NLRP7: variants seen among roughly 807,000 people sequenced by gnomAD.
NLRP7 encodes the protein NLR family pyrin domain containing 7.
A neutral mutation model predicts 85.5 loss-of-function variants in NLRP7; 72 were observed. The observed-to-expected ratio is 0.84, with a 90% confidence interval of 0.70 to 1.02. The LOEUF (loss-of-function observed/expected upper bound fraction) is 1.02. Among genes scored for constraint, NLRP7 ranks in the 50% least tolerant of loss-of-function variants. The pLI is 0.00. For missense variants in NLRP7, 1,243 were observed against 1,219.5 expected (o/e 1.02, Z -0.29); for synonymous variants, 550 against 505.2 (o/e 1.09, Z -1.19).
At chr19:54,926,998 GAA>G (rs1569538965) in intron 9 of NLRP7, among the ~76,000 whole-genome samples, 1 of 151,594 alleles carries the variant, frequency 6.6e-6, no homozygotes, top group Non-Finnish European at 1.5e-5. Context: ...GTTGAGGCAG[GAA>G]AATCGCTTCA....
intron 1 of NLRP7, among the ~76,000 whole-genome samples, chr19:54,946,336 C>G (rs1463816852): frequency 1.3e-5 from 2 of 151,324 alleles, no homozygotes; most frequent in Non-Finnish European, 1.5e-5. Context: ...CTCAGCCTCC[C>G]GAGTAGCTGG....
chr19:54,936,533 A>C (rs937189620), intron 5 of NLRP7, 102 bp from the exon 6 acceptor site: 6 of 1,074,914 alleles, frequency 5.6e-6, no homozygotes. Context: ...AATTATTAGA[A>C]GTTCTTGGCC....
At chr19:54,947,540 G>A, upstream of NLRP7, 2 of 1,289,580 alleles carry the variant, frequency 1.6e-6, no homozygotes, top group South Asian at 1.2e-5. Flanking sequence ...GGAGGTCTCT[G>A]GCCCTTGGTA....
intron 1 of NLRP7, among the ~76,000 whole-genome samples, chr19:54,959,284 G>A (rs375259464): frequency 2.1e-4 from 32 of 150,208 alleles, no homozygotes; most frequent in Middle Eastern, 3.4e-3. Flanking sequence ...GATTACAGGC[G>A]CACGCCACCA....
chr19:54,955,324 C>T (rs979106496), intron 1 of NLRP7, among the ~76,000 whole-genome samples: 3 of 151,666 alleles, frequency 2.0e-5, no homozygotes, highest in East Asian at 2.0e-4. Context: ...AGTGAAACTC[C>T]GTCTCAAAAA....
At chr19:54,946,703 G>A (rs928560347) in intron 1 of NLRP7, among the ~76,000 whole-genome samples, 32 of 151,260 alleles carry the variant, frequency 2.1e-4, no homozygotes, top group African/African-American at 5.3e-4. Flanking sequence ...GCAGTGGCGC[G>A]ATCTCAGCTC....
At chr19:54,936,913 T>A (rs1378370930) in intron 5 of NLRP7, among the ~76,000 whole-genome samples, 1 of 127,344 alleles carries the variant, frequency 7.9e-6, no homozygotes, top group Non-Finnish European at 1.7e-5. Context: ...AGACTCCATC[T>A]CAAAAGAAAA....
chr19:54,951,298 G>T (rs746065429), upstream of NLRP7, among the ~76,000 whole-genome samples: 1 of 152,020 alleles, frequency 6.6e-6, no homozygotes, highest in Non-Finnish European at 1.5e-5. Context: ...TGTAATCCCA[G>T]CACTTTGGGA....
rs1490792863 is a variant in NLRP7, at chr19:54,934,753, A to G, written c.2301-94T>C. ...GAGACAGAGTTTCACTCTGTTGCCC[A>G]GTCTGGAATGCAAAGGCGTGATCTC... On this transcript the variant is annotated intron_variant, in intron 6 of 9. Transcript: ENST00000340844. The surrounding 1 kb of genome is among the most constrained non-coding windows in gnomAD (Gnocchi z 6.7). 1.0e-5 allele frequency: 11 copies of G among 1,064,734 alleles called. No individual in the cohort carries two copies. Among genetic ancestry groups the G allele is most frequent in the Non-Finnish European group, 9.4e-6 (7 of 743,372 alleles). 66.0% of individuals were successfully genotyped at this position (1,064,734 alleles called of 1,614,324 possible). A position where few individuals can be genotyped will look rare whatever the true frequency, so the allele number is the denominator to read the frequency against.
At chr19:54,937,188 A>C (rs1183384578) in intron 5 of NLRP7, among the ~76,000 whole-genome samples, 1 of 151,518 alleles carries the variant, frequency 6.6e-6, no homozygotes, top group African/African-American at 2.4e-5. Flanking sequence ...ACTGCACTCC[A>C]GCCTGGGGAA....
At chr19:54,926,908 T>C (rs2068463812) in intron 9 of NLRP7, among the ~76,000 whole-genome samples, 4 of 92,638 alleles carry the variant, frequency 4.3e-5, no homozygotes, top group South Asian at 4.3e-4. Context: ...AGAGAGAGAC[T>C]CTGTCTTTAA....
intron 1 of NLRP7, among the ~76,000 whole-genome samples, chr19:54,959,058 C>T (rs903571765): frequency 7.2e-5 from 11 of 151,962 alleles, no homozygotes; most frequent in African/African-American, 2.2e-4. Flanking sequence ...CAGGCCCAGG[C>T]CTGGTTTCGG....
At chr19:54,925,972 C>A (rs1173265971) in intron 9 of NLRP7, among the ~76,000 whole-genome samples, 1 of 151,514 alleles carries the variant, frequency 6.6e-6, no homozygotes, top group East Asian at 1.9e-4. Context: ...TTCACTCCAG[C>A]CTGGGCGACA....
At chr19:54,939,416 T>C (rs1178034806) in exon 4 of NLRP7, 1 of 1,613,542 alleles carries the variant, frequency 6.2e-7, no homozygotes, top group African/African-American at 1.3e-5. Flanking sequence ...GAAGCTGAGG[T>C]GGATGAAGGA....
upstream of NLRP7, among the ~76,000 whole-genome samples, chr19:54,951,931 T>C (rs898782177): frequency 6.6e-6 from 1 of 151,950 alleles, no homozygotes; most frequent in Non-Finnish European, 1.5e-5. Flanking sequence ...TTTTTGTATT[T>C]TTAGTAGAGA....
chr19:54,946,474 C>G (rs894316093), intron 1 of NLRP7, among the ~76,000 whole-genome samples: 37 of 151,346 alleles, frequency 2.4e-4, no homozygotes, highest in Admixed American at 2.4e-3. Flanking sequence ...GGATTACAGG[C>G]GTGAGCCACC....
At chr19:54,952,184 C>T (rs2069690321), upstream of NLRP7, among the ~76,000 whole-genome samples, 1 of 152,090 alleles carries the variant, frequency 6.6e-6, no homozygotes, top group South Asian at 2.1e-4. Flanking sequence ...TGACACTAAC[C>T]AGTTTGAAGA....
exon 4 of NLRP7, chr19:54,939,915 G>T (rs763024128): frequency 1.2e-6 from 2 of 1,614,004 alleles, no homozygotes; most frequent in South Asian, 1.1e-5. Context: ...GCCCTGGGCC[G>T]CGTGGTGACC....
exon 4 of NLRP7, chr19:54,939,378 C>A (rs61747414): frequency 3.1e-6 from 5 of 1,613,832 alleles, no homozygotes; most frequent in South Asian, 1.1e-5. Flanking sequence ...TTCTCCAGGG[C>A]GTAGAACAGG....
Sources: gnomAD v4.1 joint callset for allele counts (sites outside exome capture counted in the v4.1 genomes callset) on GRCh38, gnomAD v4.1.1 for gene constraint, Gnocchi (gnomAD v3.1) non-coding constraint, MANE v1.5 for transcripts, NCBI Gene and HGNC (gene_info 2026-07-23, HGNC 2026-07-21) for gene names.